Variants in VWF observed in about 807,000 individuals in gnomAD.
The protein encoded by VWF is Factor VIII related antigen.
Under a neutral mutation model 308.6 loss-of-function variants are expected in VWF, and 176 were observed. The observed-to-expected ratio is 0.57, with a 90% CI of 0.50 to 0.65. The LOEUF (loss-of-function observed/expected upper bound fraction) is 0.65, where lower values mean the gene tolerates loss of function less well. Among genes scored for constraint, VWF ranks in the 30% least tolerant of loss-of-function variants. The probability of loss-of-function intolerance (pLI) is 0.00; values close to 1 mark genes in which losing one functional copy is unlikely to be tolerated. For synonymous variants in VWF, 1,385 were observed against 1,443.4 expected, an observed-to-expected ratio of 0.96 and a Z score of 0.92; for missense variants, 3,146 against 3,648.2, an observed-to-expected ratio of 0.86 and a Z score of 3.55.
At chr12:6,042,701 G>A (rs193217801) in intron 18 of VWF, among the ~76,000 whole-genome samples, 13 of 152,296 alleles carry the variant, frequency 8.5e-5, no homozygotes, top group Admixed American at 4.6e-4. Context: ...TGAAATGAGC[G>A]CCTAACAGGA....
At chr12:6,085,621 C>G (rs191986462) in intron 6 of VWF, among the ~76,000 whole-genome samples, 114 of 151,054 alleles carry the variant, frequency 7.5e-4, no homozygotes, top group African/African-American at 2.8e-3. Flanking sequence ...CAACTCTCCT[C>G]AAGGGCTTGT....
chr12:5,975,628 G>A (rs1943523945), intron 43 of VWF, among the ~76,000 whole-genome samples: 1 of 152,178 alleles, frequency 6.6e-6, no homozygotes, highest in Non-Finnish European at 1.5e-5. Flanking sequence ...AGAAAATTCA[G>A]AGCATACATT....
At chr12:6,011,113 G>C (rs550179213) in intron 34 of VWF, among the ~76,000 whole-genome samples, 29 of 152,298 alleles carry the variant, frequency 1.9e-4, no homozygotes, top group Middle Eastern at 3.4e-3. Flanking sequence ...TCCCAAACAT[G>C]AGACAGAAGG....
At chr12:5,965,436 C>G (rs1363061662) in intron 47 of VWF, among the ~76,000 whole-genome samples, 2 of 152,188 alleles carry the variant, frequency 1.3e-5, no homozygotes, top group Non-Finnish European at 2.9e-5. Context: ...ATTCGACATT[C>G]AACCCATTCA....
chr12:6,123,489 C>T (rs1267886996), intron 1 of VWF, among the ~76,000 whole-genome samples: 1 of 152,188 alleles, frequency 6.6e-6, no homozygotes, highest in Admixed American at 6.5e-5. Flanking sequence ...CCCTCCAGGC[C>T]CGCTGGGCCT....
At chr12:5,963,955 C>T (rs1407320996) in intron 47 of VWF, among the ~76,000 whole-genome samples, 2 of 152,282 alleles carry the variant, frequency 1.3e-5, no homozygotes, top group South Asian at 2.1e-4. Flanking sequence ...CGCCTGTAAT[C>T]CCAGCACTTT....
rs760515060 is a variant in VWF at position 5,967,563 on chromosome 12, G to A, written c.7810C>T (p.Arg2604Cys). Residue 2604 changes from arginine (R) to cysteine (C), a missense_variant, in exon 47 of 52, where the codon CGC becomes TGC. By Grantham distance (180) the Arg-to-Cys change is radical. Around this residue, in one of 3 missense-constraint regions of VWF, gnomAD observed 989 missense variants for 1,117.4 expected, o/e 0.89. Transcript: ENST00000261405. Reference sequence around the variant, plus strand: ...ATGACCCCCACCTGCACCATGCAGCGGCAGGTCGTGCACACATCGATCATC... The same window carrying A: ...ATGACCCCCACCTGCACCATGCAGCAGCAGGTCGTGCACACATCGATCATC... ...TVMIDVCTTC[R>C]CMVQVGVISG... 3.7e-5 allele frequency: 60 copies of A among 1,613,938 alleles called. No homozygotes were observed. The highest frequency in any genetic ancestry group is 7.7e-5 in the South Asian group (7 of 91,072).
intron 11 of VWF, among the ~76,000 whole-genome samples, chr12:6,064,842 G>A (rs537257682): frequency 5.4e-4 from 82 of 152,298 alleles, no homozygotes; most frequent in African/African-American, 1.9e-3. Flanking sequence ...AACATCAGAG[G>A]GTTAGTTATG....
chr12:6,090,604 TCC>T, intron 6 of VWF, among the ~76,000 whole-genome samples: 1 of 31,078 alleles, frequency 3.2e-5, no homozygotes, highest in Non-Finnish European at 9.7e-5. Context: ...TAACAACAAC[TCC>T]TCCTCCTCCT....
At chr12:6,091,021 A>G (rs1217727465) in intron 6 of VWF, among the ~76,000 whole-genome samples, 1 of 152,210 alleles carries the variant, frequency 6.6e-6, no homozygotes, top group African/African-American at 2.4e-5. Context: ...GTACTGGGCT[A>G]GGATCCAGGT....
intron 20 of VWF, 49 bp from the exon 21 acceptor site, chr12:6,031,627 C>T: frequency 6.2e-7 from 1 of 1,613,360 alleles, no homozygotes; most frequent in Non-Finnish European, 8.5e-7. Flanking sequence ...CACTGGCTCT[C>T]ACCAGACCAG....
chr12:6,111,099 C>CA, intron 3 of VWF, 131 bp from the exon 4 acceptor site: 2 of 747,618 alleles, frequency 2.7e-6, no homozygotes, highest in African/African-American at 1.8e-5. Context: ...AAGCGAGCAA[C>CA]AAAAATCTCC....
intron 18 of VWF, 63 bp from the exon 19 acceptor site, chr12:6,036,554 C>T (rs1267079338): frequency 6.7e-7 from 1 of 1,484,496 alleles, no homozygotes; most frequent in East Asian, 2.3e-5. Context: ...CCTCCTCCAG[C>T]CCGCTCCAGG....
intron 47 of VWF, among the ~76,000 whole-genome samples, chr12:5,958,121 G>C (rs1943270540): frequency 6.6e-6 from 1 of 151,640 alleles, no homozygotes; most frequent in South Asian, 2.1e-4. Flanking sequence ...AGAAAAAAAA[G>C]AAAAACTCAG....
intron 5 of VWF, among the ~76,000 whole-genome samples, chr12:6,106,731 T>C (rs1446138927): frequency 6.6e-6 from 1 of 151,838 alleles, no homozygotes; most frequent in Non-Finnish European, 1.5e-5. Context: ...AAAAATTAGC[T>C]GGACATAGTA....
At chr12:5,972,779 G>A (rs1380095429) in intron 43 of VWF, among the ~76,000 whole-genome samples, 2 of 152,082 alleles carry the variant, frequency 1.3e-5, no homozygotes, top group Non-Finnish European at 2.9e-5. Flanking sequence ...CTACGGAGGA[G>A]ACAACAAATT....
At chr12:5,978,571 G>C (rs1943557643) in intron 42 of VWF, among the ~76,000 whole-genome samples, 3 of 152,088 alleles carry the variant, frequency 2.0e-5, no homozygotes. Context: ...CAGGTATATT[G>C]CAAGATAAAG....
intron 43 of VWF, among the ~76,000 whole-genome samples, chr12:5,972,042 C>T (rs1168880341): frequency 6.6e-6 from 1 of 152,174 alleles, no homozygotes; most frequent in East Asian, 1.9e-4. Flanking sequence ...TCATGGCCAA[C>T]TCTAGGGACC....
At chr12:6,073,558 T>C in intron 8 of VWF, 61 bp downstream of exon 8, 1 of 1,611,990 alleles carries the variant, frequency 6.2e-7, no homozygotes, top group East Asian at 2.2e-5. Flanking sequence ...TCATCTCACT[T>C]CCCAAAGCCA....
Sources: gnomAD v4.1 joint callset for allele counts (sites outside exome capture counted in the v4.1 genomes callset) on GRCh38, gnomAD v4.1.1 for gene constraint, gnomAD v4.1.1 regional missense constraint, MANE v1.5 for transcripts, NCBI Gene and HGNC (gene_info 2026-07-23, HGNC 2026-07-21) for gene names.